The following PCDHGC5 variants were observed in gnomAD, a reference collection of about 807,000 sequenced individuals.
The protein encoded by PCDHGC5 is protocadherin gamma-C5.
PCDHGC5 carries 25 observed loss-of-function variants against 59.0 expected under a neutral mutation model. That is an observed-to-expected ratio of 0.42 (90% confidence interval 0.31 to 0.59). The LOEUF (loss-of-function observed/expected upper bound fraction) is 0.59, where lower values mean the gene tolerates loss of function less well. Among genes scored for constraint, PCDHGC5 ranks in the 20% least tolerant of loss-of-function variants. The pLI is 0.13. For missense variants in PCDHGC5, 1,067 were observed against 1,206.4 expected (o/e 0.88, Z 1.71); for synonymous variants, 434 against 505.5 (o/e 0.86, Z 1.90).
Position 141,490,310 on chromosome 5 carries a change from AC to A in PCDHGC5, c.1073del (p.Pro358LeufsTer3). 1 of 1,614,084 alleles carries A rather than the reference AC, an allele frequency of 6.2e-7. No homozygotes were observed. The highest frequency in any genetic ancestry group is 8.5e-7 in the Non-Finnish European group (1 of 1,180,012). ...GAGGTGCTATTGGCCTCTTTGGCCA[AC>A]CCTGTCCTAGAGAGCACACCAGTGG... is the stretch of plus-strand genomic sequence containing the variant. ...APEVLLASLA[N>X]PVLESTPVGT... On this transcript the variant is annotated frameshift_variant, in exon 1 of 4. Transcript: ENST00000252087. LOFTEE classifies it high-confidence loss of function. This position sits in a 1 kb window ranked among gnomAD's most constrained non-coding sequence, Gnocchi z 5.4.
rs1358516648 is a variant in PCDHGC5, at chr5:141,489,199, A to C, written c.-42A>C. The C allele has an allele frequency of 1.4e-6, 2 of 1,395,234 alleles. No individual in the cohort carries two copies. The highest frequency in any genetic ancestry group is 2.8e-5 in the South Asian group (2 of 71,520). The allele number at this position is 1,395,234 out of a possible 1,614,324, so 86.4% of individuals were successfully genotyped here. ...CAAGCCCTGGGTCTACCTTGGAGAC[A>C]GGACAGCACAGACTTACTCTCCACA... On this transcript the variant is annotated 5_prime_UTR_variant, in exon 1 of 4. Transcript: ENST00000252087. The surrounding 1 kb of genome is among the most constrained non-coding windows in gnomAD (Gnocchi z 4.5).
Position 141,489,941 on chromosome 5 carries a change from A to G in PCDHGC5, c.701A>G (p.Asp234Gly). ...GTTLISVIVL[D>G]INDNAPTFQS... Reference sequence around the variant, plus strand: ...ACCCTTATCTCTGTCATCGTGCTGGACATCAATGATAATGCTCCAACCTTC... The same window carrying G: ...ACCCTTATCTCTGTCATCGTGCTGGGCATCAATGATAATGCTCCAACCTTC... Residue 234 changes from aspartate to glycine, a missense_variant, in exon 1 of 4, where the codon GAC becomes GGC. By Grantham distance (94) the Asp-to-Gly change is moderately conservative. Transcript: ENST00000252087. The surrounding 1 kb of genome is among the most constrained non-coding windows in gnomAD (Gnocchi z 4.5). 1.2e-6 allele frequency: 2 copies of G among 1,614,228 alleles called. No homozygotes were observed. The highest frequency in any genetic ancestry group is 1.7e-6 in the Non-Finnish European group (2 of 1,180,034).
chr5:141,498,971 G>GGGAA (rs201769957), intron 2 of PCDHGC5, among the ~76,000 whole-genome samples: 8,226 of 110,874 alleles, frequency 0.074, 335 homozygotes, highest in Middle Eastern at 0.11. Flanking sequence ...GAGGGAGGGA[G>GGGAA]GGAAGGAAGG....
Position 141,491,739 on chromosome 5 carries a change from C to T in PCDHGC5, c.2460+39C>T. ...CGCCGCCCCGGGCGACCCCTGGGGG[C>T]GGCACTGGAGAAGCCGCCCGTCCTC... On this transcript the variant is annotated intron_variant, in intron 1 of 3. Transcript: ENST00000252087. This position sits in a 1 kb window ranked among gnomAD's most constrained non-coding sequence, Gnocchi z 6.9. The T allele has an allele frequency of 1.3e-6, 2 of 1,599,004 alleles. No individual in the cohort carries two copies. Among genetic ancestry groups the T allele is most frequent in the East Asian group, 2.3e-5 (1 of 44,194 alleles).
At chr5:141,503,517 T>C (rs6878542) in intron 2 of PCDHGC5, among the ~76,000 whole-genome samples, 77,350 of 150,132 alleles carry the variant, frequency 0.52, 20,504 homozygotes, top group African/African-American at 0.63. Flanking sequence ...GAGAATCACT[T>C]GAACCTGGGA....
At position 141,491,539 on chromosome 5, in the gene PCDHGC5, A is replaced by G; in HGVS notation, c.2299A>G (p.Thr767Ala). The part of the protein sequence containing the change: ...LKYMEVTLRP[T>A]DSQSHCYRTC... ...GTACATGGAGGTGACGCTGCGGCCC[A>G]CAGACTCGCAGAGCCACTGCTACAG... The change falls in exon 1 of 4, where the codon ACA becomes GCA. Residue 767 changes from threonine (T) to alanine (A), a missense_variant. Thr to Ala is a moderately conservative substitution (Grantham distance 58, BLOSUM62 0). Coordinates refer to ENST00000252087, the MANE Select transcript of PCDHGC5 (RefSeq NM_018929.3). This position sits in a 1 kb window ranked among gnomAD's most constrained non-coding sequence, Gnocchi z 6.9. The G allele has an allele frequency of 6.2e-7, 1 of 1,613,968 alleles. No homozygotes were observed. The highest frequency in any genetic ancestry group is 1.1e-5 in the South Asian group (1 of 91,074).
In PCDHGC5 at chr5:141,489,684, T is replaced by A; in HGVS notation, c.444T>A (p.Ser148=). 1 of 1,614,180 alleles carries A rather than the reference T, an allele frequency of 6.2e-7. No homozygotes were observed. Among genetic ancestry groups the A allele is most frequent in the South Asian group, 1.1e-5 (1 of 91,078 alleles). The part of the protein sequence containing the change: ...REMRISESAA[S]GARFPLDSAQ... ...TGCGCATCTCAGAATCAGCAGCATC[T>A]GGGGCACGATTCCCACTGGACAGTG... Residue 148 remains serine (S), a synonymous_variant, in exon 1 of 4, where the codon TCT becomes TCA. Transcript: ENST00000252087. This position sits in a 1 kb window ranked among gnomAD's most constrained non-coding sequence, Gnocchi z 4.5.
Position 141,491,763 on chromosome 5 carries a change from T to A in PCDHGC5, c.2460+63T>A. 1 of 1,570,222 alleles carries A rather than the reference T, an allele frequency of 6.4e-7. No individual in the cohort carries two copies. The highest frequency in any genetic ancestry group is 8.6e-7 in the Non-Finnish European group (1 of 1,159,286). On this transcript the variant is annotated intron_variant, in intron 1 of 3. Transcript: ENST00000252087. This position sits in a 1 kb window ranked among gnomAD's most constrained non-coding sequence, Gnocchi z 6.9. ...GCGGCACTGGAGAAGCCGCCCGTCC[T>A]CATAAGGGATTGAACTTGCATCCAC... is the stretch of plus-strand genomic sequence containing the variant.
Position 141,491,611 on chromosome 5 carries a change from A to G in PCDHGC5, c.2371A>G (p.Arg791Gly). The G allele has an allele frequency of 6.2e-7, 1 of 1,613,866 alleles. No individual in the cohort carries two copies. The highest frequency in any genetic ancestry group is 8.5e-7 in the Non-Finnish European group (1 of 1,180,018). Reference sequence around the variant, plus strand: ...GGACGGCAGTGACTTCACTTTTCTAAGACCCCTCAGCGTTCAGCAGCCCAC... The same window carrying G: ...GGACGGCAGTGACTTCACTTTTCTAGGACCCCTCAGCGTTCAGCAGCCCAC... The part of the protein sequence containing the change: ...ASDGSDFTFL[R>G]PLSVQQPTAL... The change falls in exon 1 of 4, where the codon AGA (arginine) becomes GGA (glycine). Residue 791 changes from arginine to glycine, a missense_variant. Physicochemically the swap from Arg to Gly is moderately radical, Grantham distance 125 (BLOSUM62 -2). Transcript: ENST00000252087. This position sits in a 1 kb window ranked among gnomAD's most constrained non-coding sequence, Gnocchi z 6.9.
Position 141,490,760 on chromosome 5 carries a change from T to G in PCDHGC5, c.1520T>G (p.Val507Gly). 1 of 1,614,070 alleles carries G rather than the reference T, an allele frequency of 6.2e-7. No individual in the cohort carries two copies. The change falls in exon 1 of 4, where the codon GTG becomes GGG. Residue 507 changes from valine (V) to glycine (G), a missense_variant. Coordinates refer to ENST00000252087, the MANE Select transcript of PCDHGC5 (RefSeq NM_018929.3). This position sits in a 1 kb window ranked among gnomAD's most constrained non-coding sequence, Gnocchi z 5.4. ...QVQGAPASSF[V>G]YVNPEDGRIF... Reference sequence around the variant, plus strand: ...CAGGGAGCCCCAGCCTCCTCCTTTGTGTATGTCAACCCAGAGGATGGACGG... The same window carrying G: ...CAGGGAGCCCCAGCCTCCTCCTTTGGGTATGTCAACCCAGAGGATGGACGG...
chr5:141,507,487 G>A (rs889348168), intron 3 of PCDHGC5, among the ~76,000 whole-genome samples: 1 of 152,204 alleles, frequency 6.6e-6, no homozygotes, highest in African/African-American at 2.4e-5. Context: ...GCCTCCTGAG[G>A]CAGAGCTGTC....
At chr5:141,509,404 A>C (rs1248030362) in intron 3 of PCDHGC5, among the ~76,000 whole-genome samples, 3 of 152,112 alleles carry the variant, frequency 2.0e-5, no homozygotes, top group Non-Finnish European at 4.4e-5. Context: ...CAGGGCCTCC[A>C]GCAGCGAGCC....
chr5:141,506,834 C>T (rs2099856597), intron 3 of PCDHGC5, among the ~76,000 whole-genome samples: 1 of 152,140 alleles, frequency 6.6e-6, no homozygotes, highest in Non-Finnish European at 1.5e-5. Flanking sequence ...ACTGATAGCC[C>T]TGCCCTCCAG....
Position 141,491,478 on chromosome 5 carries a change from C to A in PCDHGC5, c.2238C>A (p.Ser746Arg). ...CCCCGGACTTCTATAAGCAGTCCAG[C>A]CCCAACCTGCAGGTGAGCTCGGACG... ...SPSPDFYKQS[S>R]PNLQVSSDGT... is the part of the protein sequence containing the mutation. The change falls in exon 1 of 4, where the codon AGC (serine) becomes AGA (arginine). Residue 746 changes from serine to arginine, a missense_variant. Coordinates refer to ENST00000252087, the MANE Select transcript of PCDHGC5 (RefSeq NM_018929.3). The surrounding 1 kb of genome is among the most constrained non-coding windows in gnomAD (Gnocchi z 6.9). 6.2e-7 allele frequency: 1 copy of A among 1,614,068 alleles called. No individual in the cohort carries two copies. Among genetic ancestry groups the A allele is most frequent in the Non-Finnish European group, 8.5e-7 (1 of 1,180,004 alleles).
rs373728953 is a variant in PCDHGC5 at position 141,491,753 on chromosome 5, C to A, written c.2460+53C>A. The A allele has an allele frequency of 6.3e-7, 1 of 1,585,146 alleles. No homozygotes were observed. The highest frequency in any genetic ancestry group is 8.6e-7 in the Non-Finnish European group (1 of 1,166,912). On this transcript the variant is annotated intron_variant, in intron 1 of 3. Transcript: ENST00000252087. This position sits in a 1 kb window ranked among gnomAD's most constrained non-coding sequence, Gnocchi z 6.9. The stretch of plus-strand genomic sequence containing the variant: ...ACCCCTGGGGGCGGCACTGGAGAAG[C>A]CGCCCGTCCTCATAAGGGATTGAAC...
chr5:141,496,440 A>G (rs2099768848), intron 2 of PCDHGC5, among the ~76,000 whole-genome samples: 1 of 152,158 alleles, frequency 6.6e-6, no homozygotes, highest in South Asian at 2.1e-4. Flanking sequence ...AAGTTGCTAC[A>G]GATGCTGAGC....
chr5:141,507,553 C>T (rs1382652977), intron 3 of PCDHGC5, among the ~76,000 whole-genome samples: 4 of 152,192 alleles, frequency 2.6e-5, no homozygotes, highest in Admixed American at 2.0e-4. Flanking sequence ...ATGAAAGTGG[C>T]AGGCGGCTGG....
chr5:141,497,626 G>T (rs1373764805), intron 2 of PCDHGC5, among the ~76,000 whole-genome samples: 3 of 149,502 alleles, frequency 2.0e-5, no homozygotes, highest in Non-Finnish European at 4.4e-5. Flanking sequence ...TGCAACCTCT[G>T]CCTGCCAGGT....
chr5:141,510,944 C>T lies in PCDHGC5; in HGVS notation c.2609-3C>T, dbSNP rs772921698. 2 of 1,614,120 alleles carry T rather than the reference C, an allele frequency of 1.2e-6. No individual in the cohort carries two copies. Among genetic ancestry groups the T allele is most frequent in the South Asian group, 2.2e-5 (2 of 91,080 alleles). On this transcript the variant is annotated splice_region_variant and splice_polypyrimidine_tract_variant and intron_variant, in intron 3 of 3. Transcript: ENST00000252087. Reference sequence around the variant, plus strand: ...CCCACCTGATCTTCCTCTGTCTCTGCAGAAGCTGCTGATGGGAGCTCCACC... The same window carrying T: ...CCCACCTGATCTTCCTCTGTCTCTGTAGAAGCTGCTGATGGGAGCTCCACC...
Sources: gnomAD v4.1 joint callset for allele counts (sites outside exome capture counted in the v4.1 genomes callset) on GRCh38, gnomAD v4.1.1 for gene constraint, Gnocchi (gnomAD v3.1) non-coding constraint, MANE v1.5 for transcripts, NCBI Gene and HGNC (gene_info 2026-07-23, HGNC 2026-07-21) for gene names.